LSAMP: variants seen among roughly 807,000 people sequenced by gnomAD.
The protein encoded by LSAMP is limbic system-associated membrane protein.
Under a neutral mutation model 38.6 loss-of-function variants are expected in LSAMP, and 7 were observed. The ratio of observed to expected loss-of-function variants is 0.18; its 90% CI spans 0.10 to 0.34. LSAMP has a LOEUF of 0.34. Ranked by LOEUF, LSAMP falls within the 10% of genes least tolerant of loss-of-function variation. LSAMP has a pLI of 1.00. For synonymous variants in LSAMP, 154 were observed against 166.8 expected, an observed-to-expected ratio of 0.92 and a Z score of 0.59; for missense variants, 313 against 420.0, an observed-to-expected ratio of 0.75 and a Z score of 2.23.
At chr3:116,247,520 C>T (rs2046619894) in intron 1 of LSAMP, among the ~76,000 whole-genome samples, 1 of 152,048 alleles carries the variant, frequency 6.6e-6, no homozygotes, top group Non-Finnish European at 1.5e-5. Context: ...ACAAATATGA[C>T]ATAGAAGAAT....
At chr3:116,335,337 AT>A (rs1446592777) in intron 1 of LSAMP, among the ~76,000 whole-genome samples, 1 of 152,068 alleles carries the variant, frequency 6.6e-6, no homozygotes, top group Admixed American at 6.6e-5. Context: ...TCCTGATGTC[AT>A]TTTTGCAGAT....
rs567224733 is a variant in LSAMP at position 115,978,157 on chromosome 3, G to A, written c.514+41358C>T. On this transcript the variant is annotated intron_variant, in intron 3 of 6. Coordinates refer to ENST00000490035, the MANE Select transcript of LSAMP (RefSeq NM_002338.5). ...TAGAGCTACAAACACCTGCCACCACGCCCAGCGACTTCTTTCTTAAGGCAA... is the reference window on the plus strand; with the variant it reads ...TAGAGCTACAAACACCTGCCACCACACCCAGCGACTTCTTTCTTAAGGCAA... Among the ~76,000 whole-genome samples the A allele has an allele frequency of 7.9e-5, 12 of 152,042 alleles. No homozygotes were observed. In the East Asian group the frequency reaches 1.7e-3, roughly 22 times the overall value.
intron 3 of LSAMP, among the ~76,000 whole-genome samples, chr3:115,912,561 T>G (rs971323090): frequency 3.9e-5 from 6 of 152,290 alleles, no homozygotes; most frequent in Non-Finnish European, 7.4e-5. Flanking sequence ...TGACACCATC[T>G]TGGCAAGGGA....
chr3:116,411,627 G>T (rs1200729591), intron 1 of LSAMP, among the ~76,000 whole-genome samples: 1 of 120,526 alleles, frequency 8.3e-6, no homozygotes, highest in Non-Finnish European at 1.7e-5. Flanking sequence ...GGACTGTTGT[G>T]GGGTGGGGGG....
chr3:115,810,621 T>C lies in LSAMP; in HGVS notation c.920-207A>G, dbSNP rs78848437. Among the ~76,000 whole-genome samples the C allele has an allele frequency of 5.1e-3, 778 of 152,300 alleles. 9 individuals are homozygous for C. The highest frequency in any genetic ancestry group is 0.016 in the African/African-American group (656 of 41,552). On this transcript the variant is annotated intron_variant, in intron 6 of 6. Coordinates refer to ENST00000490035, the MANE Select transcript of LSAMP (RefSeq NM_002338.5). ...CTACAAGTATCCTAAGGGGCATCAT[T>C]GGCTGAAACACTTCTAAATACAAAA...
At chr3:116,248,477 A>ATGTGTGTGTGTGTGTGTGTGTG (rs3028670) in intron 1 of LSAMP, among the ~76,000 whole-genome samples, 1 of 140,978 alleles carries the variant, frequency 7.1e-6, no homozygotes, top group African/African-American at 2.8e-5. Flanking sequence ...CCTGTCTCTA[A>ATGTGTGTGTGTGTGTGTGTGTG]TGTGTGTGTG....
chr3:115,937,077 G>T (rs1030569016), intron 3 of LSAMP, among the ~76,000 whole-genome samples: 1 of 151,900 alleles, frequency 6.6e-6, no homozygotes, highest in East Asian at 1.9e-4. Context: ...ATGTTGCATC[G>T]CAAGGTCCTA....
intron 1 of LSAMP, among the ~76,000 whole-genome samples, chr3:116,366,976 G>A (rs879433301): frequency 2.0e-5 from 3 of 152,132 alleles, no homozygotes; most frequent in African/African-American, 7.2e-5. Flanking sequence ...GACTTTAGGA[G>A]TAAGACAGCT....
intron 1 of LSAMP, among the ~76,000 whole-genome samples, chr3:116,292,927 T>C (rs890006810): frequency 6.6e-6 from 1 of 152,206 alleles, no homozygotes; most frequent in Non-Finnish European, 1.5e-5. Context: ...GTCCATATCC[T>C]GTGGGAGGGT....
chr3:116,081,773 T>C (rs1473439395), intron 2 of LSAMP, among the ~76,000 whole-genome samples: 1 of 152,202 alleles, frequency 6.6e-6, no homozygotes, highest in African/African-American at 2.4e-5. Flanking sequence ...GAAAAATGTA[T>C]GGGATTCTAT....
chr3:115,928,683 G>A (rs560010515), intron 3 of LSAMP, among the ~76,000 whole-genome samples: 1 of 149,808 alleles, frequency 6.7e-6, no homozygotes, highest in Admixed American at 6.6e-5. Flanking sequence ...GAGTGCAGGG[G>A]GTGAGGAGGG....
intron 3 of LSAMP, among the ~76,000 whole-genome samples, chr3:116,005,890 C>T (rs976659215): frequency 6.6e-6 from 1 of 152,078 alleles, no homozygotes; most frequent in Non-Finnish European, 1.5e-5. Context: ...AATAGGGTGG[C>T]AGTACTGGTT....
intron 3 of LSAMP, among the ~76,000 whole-genome samples, chr3:115,913,697 T>C (rs762018454): frequency 6.6e-6 from 1 of 152,220 alleles, no homozygotes; most frequent in Non-Finnish European, 1.5e-5. Flanking sequence ...CTCTTTGACA[T>C]GGAAATGAAA....
chr3:116,437,929 C>A lies in LSAMP; in HGVS notation c.155+6948G>T, dbSNP rs576976878. On this transcript the variant is annotated intron_variant, in intron 1 of 6. Transcript: ENST00000490035. ...ATGAGATGGTGGACTGCCTAATCTC[C>A]AAGGCCTTTCCTATTCTACATATCT... 2.0e-5 allele frequency among the ~76,000 whole-genome samples: 3 copies of A among 152,078 alleles called. No individual in the cohort carries two copies. In the South Asian group the frequency reaches 6.2e-4, roughly 32 times the overall value.
rs16824331 is a variant in LSAMP at position 115,958,736 on chromosome 3, T to C, written c.514+60779A>G. Among the ~76,000 whole-genome samples the C allele has an allele frequency of 7.6e-3, 1,158 of 152,236 alleles. 14 individuals are homozygous for C. Among genetic ancestry groups the C allele is most frequent in the African/African-American group, 0.027 (1,103 of 41,522 alleles). ...GAGAGGATGAGAAGATAACATTCTG[T>C]GGCAGGATTCATTTCTCCAGGCAAG... On this transcript the variant is annotated intron_variant, in intron 3 of 6. Transcript: ENST00000490035.
intron 3 of LSAMP, among the ~76,000 whole-genome samples, chr3:115,967,821 C>T (rs1419353142): frequency 6.6e-6 from 1 of 152,058 alleles, no homozygotes; most frequent in Non-Finnish European, 1.5e-5. Flanking sequence ...ATGGGAAAGG[C>T]CTACCCCCAT....
intron 3 of LSAMP, among the ~76,000 whole-genome samples, chr3:115,978,206 C>T (rs1365798632): frequency 6.6e-6 from 1 of 152,086 alleles, no homozygotes; most frequent in African/African-American, 2.4e-5. Flanking sequence ...ATTTCCTTCT[C>T]ATAGCAGAGG....
rs565389394 is a variant in LSAMP at position 116,049,077 on chromosome 3, G to A, written c.389-29437C>T. On this transcript the variant is annotated intron_variant, in intron 2 of 6. Transcript: ENST00000490035. ...GTTCACTCTCAGACAATGATTAGGA[G>A]ACAGTAAATACACTGTCTATGTTAC... Among the ~76,000 whole-genome samples the A allele has an allele frequency of 3.9e-5, 6 of 152,330 alleles. No individual in the cohort carries two copies. In the South Asian group the frequency reaches 1.2e-3, roughly 32 times the overall value.
At chr3:116,164,663 T>C (rs1432747441) in intron 1 of LSAMP, among the ~76,000 whole-genome samples, 1 of 132,848 alleles carries the variant, frequency 7.5e-6, no homozygotes, top group Non-Finnish European at 1.6e-5. Context: ...TATATATATA[T>C]AATCCAAATA....
Sources: allele counts gnomAD v4.1 joint callset (sites outside exome capture counted in the v4.1 genomes callset), GRCh38; gene constraint gnomAD v4.1.1; transcripts MANE v1.5; gene names NCBI Gene and HGNC (gene_info 2026-07-23, HGNC 2026-07-21).